Variants in CASKIN1 observed in about 807,000 individuals in gnomAD.
CASKIN1 encodes the protein CASK interacting protein 1.
A neutral mutation model predicts 117.5 loss-of-function variants in CASKIN1; 42 were observed. The ratio of observed to expected loss-of-function variants is 0.36; its 90% CI spans 0.28 to 0.46. CASKIN1 has a LOEUF of 0.46. Among genes scored for constraint, CASKIN1 ranks in the 20% least tolerant of loss-of-function variants. CASKIN1 has a pLI of 1.00. For synonymous variants in CASKIN1, 1,148 were observed against 961.7 expected (o/e 1.19, Z -3.59); for missense variants, 2,083 against 2,077.3 (o/e 1.00, Z -0.05).
chr16:2,189,943 C>T, intron 3 of CASKIN1, 130 bp downstream of exon 3: 2 of 881,356 alleles, frequency 2.3e-6, no homozygotes, highest in East Asian at 2.7e-5. Context: ...ACCCTGATCC[C>T]AGGAGGACCT....
Position 2,179,781 on chromosome 16 carries a change from G to T in CASKIN1, c.3587C>A (p.Pro1196Gln), listed in dbSNP as rs752147441. Residue 1196 changes from proline to glutamine, a missense_variant, in exon 18 of 20, where the codon CCG becomes CAG. By Grantham distance (76) the Pro-to-Gln change is moderately conservative. Coordinates refer to ENST00000343516, the MANE Select transcript of CASKIN1 (RefSeq NM_020764.4). The surrounding 1 kb of genome is among the most constrained non-coding windows in gnomAD (Gnocchi z 5.8). ...AGPPELPPPPPPAEPPPTDLA... is the reference protein window; with the variant it reads ...AGPPELPPPPQPAEPPPTDLA... ...GTCGGTGGGCGGGGGTTCGGCAGGC[G>T]GGGGCGGTGGAGGCAGCTCCGGAGG... 6.4e-7 allele frequency: 1 copy of T among 1,568,956 alleles called. No homozygotes were observed. The highest frequency in any genetic ancestry group is 2.3e-5 in the East Asian group (1 of 42,854).
rs553318831 is a variant in CASKIN1 at position 2,181,126 on chromosome 16, C to A, written c.2242G>T (p.Gly748Cys). The part of the protein sequence containing the change: ...PPREARPGRH[G>C]HSIKRASVPP... ...ACGCTGGCCCTCTTGATGCTGTGGC[C>A]GTGGCGGCCGGGCCGGGCCTCCCTG... The change falls in exon 18 of 20, where the codon GGC becomes TGC. Residue 748 changes from glycine to cysteine, a missense_variant. Gly to Cys is a radical substitution (Grantham distance 159). Coordinates refer to ENST00000343516, the MANE Select transcript of CASKIN1 (RefSeq NM_020764.4). The A allele has an allele frequency of 7.2e-5, 106 of 1,478,434 alleles. No homozygotes were observed. The highest frequency in any genetic ancestry group is 4.7e-5 in the Non-Finnish European group (53 of 1,123,784). The allele number at this position is 1,478,434 out of a possible 1,614,324, so 91.6% of individuals were successfully genotyped here. A position where few individuals can be genotyped will look rare whatever the true frequency, so the allele number is the denominator to read the frequency against.
chr16:2,188,849 G>T, intron 6 of CASKIN1, 178 bp downstream of exon 6: 1 of 866,538 alleles, frequency 1.2e-6, no homozygotes, highest in Non-Finnish European at 1.7e-6. Context: ...CCCCTTCCCA[G>T]CCCCTGCAGC....
intron 1 of CASKIN1, among the ~76,000 whole-genome samples, chr16:2,191,185 G>A (rs1448165422): frequency 6.6e-6 from 1 of 152,230 alleles, no homozygotes; most frequent in African/African-American, 2.4e-5. Context: ...GTCACTCTGA[G>A]AGGGGAGCTG....
In CASKIN1 at chr16:2,179,553, A is replaced by G; in HGVS notation, c.3775+40T>C. ...AGACCACCGAGTAAGGAGGTGGAGC[A>G]GGGTCCTGTTGCCCCTTCACCCCAC... is the stretch of plus-strand genomic sequence containing the variant. On this transcript the variant is annotated intron_variant, in intron 18 of 19. Transcript: ENST00000343516. This position sits in a 1 kb window ranked among gnomAD's most constrained non-coding sequence, Gnocchi z 5.8. 7.1e-7 allele frequency: 1 copy of G among 1,416,204 alleles called. No homozygotes were observed. The highest frequency in any genetic ancestry group is 9.2e-7 in the Non-Finnish European group (1 of 1,087,196). The allele number at this position is 1,416,204 out of a possible 1,614,324, so 87.7% of individuals were successfully genotyped here.
Position 2,179,552 on chromosome 16 carries a change from C to T in CASKIN1, c.3775+41G>A, listed in dbSNP as rs2093159180. ...CAGACCACCGAGTAAGGAGGTGGAGCAGGGTCCTGTTGCCCCTTCACCCCA... is the reference window on the plus strand; with the variant it reads ...CAGACCACCGAGTAAGGAGGTGGAGTAGGGTCCTGTTGCCCCTTCACCCCA... On this transcript the variant is annotated intron_variant, in intron 18 of 19. Transcript: ENST00000343516. This position sits in a 1 kb window ranked among gnomAD's most constrained non-coding sequence, Gnocchi z 5.8. The T allele has an allele frequency of 7.1e-7, 1 of 1,415,938 alleles. No individual in the cohort carries two copies. 87.7% of individuals were successfully genotyped at this position (1,415,938 alleles called of 1,614,324 possible). A position where few individuals can be genotyped will look rare whatever the true frequency, so the allele number is the denominator to read the frequency against.
Position 2,182,729 on chromosome 16 carries a change from GGGCTA to G in CASKIN1, c.1630-805_1630-801del, listed in dbSNP as rs2093171885. 6.6e-6 allele frequency among the ~76,000 whole-genome samples: 1 copy of G among 152,218 alleles called. No individual in the cohort carries two copies. The highest frequency in any genetic ancestry group is 1.5e-5 in the Non-Finnish European group (1 of 68,030). ...GAGGCCCAGAGAGTCCGCTTCAGTTGGGCTAGGCCTGGGCCCACCTTCTTCAGGCC... is the reference window on the plus strand; with the variant it reads ...GAGGCCCAGAGAGTCCGCTTCAGTTGGGCCTGGGCCCACCTTCTTCAGGCC... On this transcript the variant is annotated intron_variant, in intron 16 of 19. Transcript: ENST00000343516. This position sits in a 1 kb window ranked among gnomAD's most constrained non-coding sequence, Gnocchi z 4.1.
In CASKIN1 at chr16:2,179,303, C is replaced by T. The variant is rs1171018642; in HGVS notation, c.3798G>A (p.Thr1266=). The change falls in exon 19 of 20, where the codon ACG becomes ACA. Residue 1266 remains threonine, a synonymous_variant. Coordinates refer to ENST00000343516, the MANE Select transcript of CASKIN1 (RefSeq NM_020764.4). This position sits in a 1 kb window ranked among gnomAD's most constrained non-coding sequence, Gnocchi z 5.8. ...GSPEVKRAHG[T]PPPVSPKPPP... is the part of the protein sequence containing the mutation. The stretch of plus-strand genomic sequence containing the variant: ...GCGGCTTGGGAGACACGGGCGGTGG[C>T]GTGCCGTGGGCGCGCTTCACCTCTG... 3 of 1,231,448 alleles carry T rather than the reference C, an allele frequency of 2.4e-6. No individual in the cohort carries two copies. The highest frequency in any genetic ancestry group is 3.0e-6 in the Non-Finnish European group (3 of 988,426). The allele number at this position is 1,231,448 out of a possible 1,614,324, so 76.3% of individuals were successfully genotyped here. A position where few individuals can be genotyped will look rare whatever the true frequency, so the allele number is the denominator to read the frequency against.
Position 2,196,326 on chromosome 16 carries a change from C to T in CASKIN1, c.94+13G>A. On this transcript the variant is annotated intron_variant, in intron 1 of 19. Transcript: ENST00000343516. The surrounding 1 kb of genome is among the most constrained non-coding windows in gnomAD (Gnocchi z 5.7). ...CGGGGCTCCCACCCGCGCCCCGCGC[C>T]CCCGGCACTCACTGGCCTTCCCGGG... The T allele has an allele frequency of 2.5e-6, 3 of 1,222,592 alleles. No homozygotes were observed. The highest frequency in any genetic ancestry group is 2.1e-6 in the Non-Finnish European group (2 of 971,362). The allele number at this position is 1,222,592 out of a possible 1,614,324, so 75.7% of individuals were successfully genotyped here. A position where few individuals can be genotyped will look rare whatever the true frequency, so the allele number is the denominator to read the frequency against.
Position 2,188,213 on chromosome 16 carries a change from GTCTC to G in CASKIN1, c.618-756_618-753del, listed in dbSNP as rs567339848. On this transcript the variant is annotated intron_variant, in intron 6 of 19. Transcript: ENST00000343516. ...TTTTTTTATAAAAAGTAGAGATGGG[GTCTC>G]TCTCTGTCACCCAGGCTGGAATGCA... Among the ~76,000 whole-genome samples the G allele has an allele frequency of 1.7e-3, 254 of 151,746 alleles. 1 individual carries two copies. The highest frequency in any genetic ancestry group is 6.8e-3 in the Middle Eastern group (2 of 294).
At chr16:2,183,005 T>G (rs552094587) in intron 16 of CASKIN1, among the ~76,000 whole-genome samples, 1 of 152,328 alleles carries the variant, frequency 6.6e-6, no homozygotes, top group African/African-American at 2.4e-5. Context: ...GCCAGGATGG[T>G]CTCGATCTCT....
Position 2,183,878 on chromosome 16 carries a change from T to C in CASKIN1, c.1480A>G (p.Ile494Val), listed in dbSNP as rs1265353634. The stretch of plus-strand genomic sequence containing the variant: ...GTGGGCAGGTCGTAGCCGGCGCTGA[T>C]GAAGTTGGGGGCGTAGAGCTGCAGC... ...FQLQLYAPNF[I>V]SAGYDLPTIS... is the part of the protein sequence containing the mutation. The change falls in exon 15 of 20, where the codon ATC becomes GTC. Residue 494 changes from isoleucine to valine, a missense_variant. Transcript: ENST00000343516. 2.5e-6 allele frequency: 4 copies of C among 1,612,410 alleles called. No homozygotes were observed. The highest frequency in any genetic ancestry group is 1.6e-4 in the Middle Eastern group (1 of 6,078).
At chr16:2,195,358 T>C (rs1030310669) in intron 1 of CASKIN1, among the ~76,000 whole-genome samples, 2 of 151,994 alleles carry the variant, frequency 1.3e-5, no homozygotes, top group African/African-American at 4.8e-5. Flanking sequence ...TGGCTTACAG[T>C]CTGTGGGGGT....
chr16:2,184,022 C>T (rs2093176199), intron 14 of CASKIN1, 81 bp from the exon 15 acceptor site: 10 of 961,888 alleles, frequency 1.0e-5, no homozygotes, highest in Admixed American at 5.4e-5. Context: ...TCTGCTTGGC[C>T]GGCCAGCCGT....
Position 2,180,466 on chromosome 16 carries a change from G to A in CASKIN1, c.2902C>T (p.Pro968Ser), listed in dbSNP as rs1295742688. The A allele has an allele frequency of 2.6e-6, 4 of 1,553,816 alleles. No individual in the cohort carries two copies. The highest frequency in any genetic ancestry group is 3.5e-6 in the Non-Finnish European group (4 of 1,156,498). The change falls in exon 18 of 20, where the codon CCT becomes TCT. Residue 968 changes from proline (P) to serine (S), a missense_variant. This residue lies in a region of CASKIN1 where 1,818 missense variants were observed against 1,688.9 expected (regional missense o/e 1.08). Transcript: ENST00000343516. ...ASANLADEPVPDAEPEDGLLG... is the reference protein window; with the variant it reads ...ASANLADEPVSDAEPEDGLLG... ...AGGCCATCCTCAGGCTCGGCGTCAG[G>A]CACCGGCTCATCCGCCAGGTTGGCA...
chr16:2,195,097 C>G (rs2093211808), intron 1 of CASKIN1, among the ~76,000 whole-genome samples: 1 of 152,240 alleles, frequency 6.6e-6, no homozygotes, highest in South Asian at 2.1e-4. Flanking sequence ...CCAGGCTCAG[C>G]TGAGGCTGCC....
chr16:2,179,535 C>G lies in CASKIN1; in HGVS notation c.3775+58G>C. ...AGAAAAGGAAAACCCCTCAGACCACCGAGTAAGGAGGTGGAGCAGGGTCCT... is the reference window on the plus strand; with the variant it reads ...AGAAAAGGAAAACCCCTCAGACCACGGAGTAAGGAGGTGGAGCAGGGTCCT... On this transcript the variant is annotated intron_variant, in intron 18 of 19. Transcript: ENST00000343516. The surrounding 1 kb of genome is among the most constrained non-coding windows in gnomAD (Gnocchi z 5.8). The G allele has an allele frequency of 7.1e-7, 1 of 1,408,312 alleles. No homozygotes were observed. The highest frequency in any genetic ancestry group is 1.5e-5 in the South Asian group (1 of 66,304). 87.2% of individuals were successfully genotyped at this position (1,408,312 alleles called of 1,614,324 possible).
chr16:2,186,377 C>T lies in CASKIN1; in HGVS notation c.1048+330G>A, dbSNP rs181105573. On this transcript the variant is annotated intron_variant, in intron 10 of 19. Transcript: ENST00000343516. ...TCTCAAGCAGGCCCTCCCTGTGCTCCGGGTCACATGTCCTTTCATGTTTAC... is the reference window on the plus strand; with the variant it reads ...TCTCAAGCAGGCCCTCCCTGTGCTCTGGGTCACATGTCCTTTCATGTTTAC... Among the ~76,000 whole-genome samples the T allele has an allele frequency of 1.6e-3, 251 of 152,294 alleles. 1 individual carries two copies. Among genetic ancestry groups the T allele is most frequent in the Middle Eastern group, 0.014 (4 of 294 alleles).
Position 2,187,204 on chromosome 16 carries a change from G to C in CASKIN1, c.797C>G (p.Thr266Arg). The C allele has an allele frequency of 6.2e-7, 1 of 1,614,028 alleles. No homozygotes were observed. Among genetic ancestry groups the C allele is most frequent in the Non-Finnish European group, 8.5e-7 (1 of 1,179,978 alleles). Residue 266 changes from threonine to arginine, a missense_variant, in exon 8 of 20, where the codon ACG becomes AGG. Coordinates refer to ENST00000343516, the MANE Select transcript of CASKIN1 (RefSeq NM_020764.4). The stretch of plus-strand genomic sequence containing the variant: ...CTTGATCTCCCTGCTGGCCTGGGAC[G>C]TGGTGAACTGGTGCACGATGTCCAG... ...TALDIVHQFTTSQASREIKQL... is the reference protein window; with the variant it reads ...TALDIVHQFTRSQASREIKQL...
Sources: gnomAD v4.1 joint callset for allele counts (sites outside exome capture counted in the v4.1 genomes callset) on GRCh38, gnomAD v4.1.1 for gene constraint, gnomAD v4.1.1 regional missense constraint, Gnocchi (gnomAD v3.1) non-coding constraint, MANE v1.5 for transcripts, NCBI Gene and HGNC (gene_info 2026-07-23, HGNC 2026-07-21) for gene names.